The following SLC25A44 variants were observed in gnomAD, a reference collection of about 807,000 sequenced individuals.
The protein encoded by SLC25A44 is solute carrier family 25 member 44, also known as solute carrier family 25, member 44.
In SLC25A44, 17 loss-of-function variants were observed where a neutral mutation model predicts 29.9. That is an observed-to-expected ratio of 0.57 (90% CI 0.39 to 0.85). The LOEUF is 0.85. Ranked by LOEUF, SLC25A44 falls within the 40% of genes least tolerant of loss-of-function variation. The pLI is 0.00. For synonymous variants in SLC25A44, 140 were observed against 151.8 expected, an observed-to-expected ratio of 0.92 and a Z score of 0.57; for missense variants, 302 against 398.4, an observed-to-expected ratio of 0.76 and a Z score of 2.06.
intron 2 of SLC25A44, among the ~76,000 whole-genome samples, chr1:156,201,274 C>T (rs779213276): frequency 1.3e-5 from 2 of 152,136 alleles, no homozygotes; most frequent in African/African-American, 2.4e-5. Flanking sequence ...TTTTTGAGGG[C>T]TTCCATAAAC....
chr1:156,207,091 A>C (rs1656985527), intron 2 of SLC25A44, among the ~76,000 whole-genome samples: 1 of 152,006 alleles, frequency 6.6e-6, no homozygotes, highest in Non-Finnish European at 1.5e-5. Flanking sequence ...TAATTCCAAC[A>C]CTTTGGGAGG....
chr1:156,200,470 C>T lies in SLC25A44; in HGVS notation c.623C>T (p.Ala208Val), dbSNP rs1656494091. The T allele has an allele frequency of 3.7e-6, 6 of 1,600,604 alleles. No homozygotes were observed. Among genetic ancestry groups the T allele is most frequent in the Non-Finnish European group, 4.3e-6 (5 of 1,172,768 alleles). Reference sequence around the variant, plus strand: ...TGGTGGCCCTTCTATCACTTCTATGCAGGTAAGCAGGGGCCAGGACAGTGG... The same window carrying T: ...TGGTGGCCCTTCTATCACTTCTATGTAGGTAAGCAGGGGCCAGGACAGTGG... ...AVWWPFYHFY[A>V]EQLSYLCPKE... The change falls in exon 2 of 4, where the codon GCA becomes GTA. Residue 208 changes from alanine (A) to valine (V), a missense_variant and splice_region_variant. Ala to Val is a moderately conservative substitution (Grantham distance 64, BLOSUM62 0). Transcript: ENST00000359511.
Position 156,201,588 on chromosome 1 carries a change from TTTC to T in SLC25A44, c.625+1128_625+1130del, listed in dbSNP as rs200393938. 4.1e-3 allele frequency among the ~76,000 whole-genome samples: 623 copies of T among 152,292 alleles called. 2 individuals carry two copies. The highest frequency in any genetic ancestry group is 0.013 in the African/African-American group (556 of 41,562). On this transcript the variant is annotated intron_variant, in intron 2 of 3. Transcript: ENST00000359511. ...CTTTTGTTTTTCTGATTATTGCTTC[TTTC>T]TTCTTCTTCTTTCTGCTTTCTTCTT...
chr1:156,200,932 T>G (rs1385218390), intron 2 of SLC25A44, among the ~76,000 whole-genome samples: 1 of 145,434 alleles, frequency 6.9e-6, no homozygotes, highest in Non-Finnish European at 1.5e-5. Flanking sequence ...ACCTCCCGGG[T>G]TCAAGCGATT....
At chr1:156,199,411 G>A (rs1306337358) in intron 1 of SLC25A44, 1 of 181,028 alleles carries the variant, frequency 5.5e-6, no homozygotes, top group East Asian at 1.6e-4. Context: ...CAGGTAGTTG[G>A]TTTGTCCATA....
Position 156,210,121 on chromosome 1 carries a change from G to A in SLC25A44, c.754-119G>A, listed in dbSNP as rs768798389. ...TGTGCTGTACCATCCCTCACAAGCA[G>A]AATCCACACCTTCCGACGTCGGAGT... is the stretch of plus-strand genomic sequence containing the variant. On this transcript the variant is annotated intron_variant, in intron 3 of 3. Coordinates refer to ENST00000359511, the MANE Select transcript of SLC25A44 (RefSeq NM_014655.4). The A allele has an allele frequency of 2.1e-5, 14 of 682,050 alleles. 1 individual carries two copies. The highest frequency in any genetic ancestry group is 2.5e-6 in the Non-Finnish European group (1 of 401,050). The allele number at this position is 682,050 out of a possible 1,614,324, so 42.2% of individuals were successfully genotyped here. A position where few individuals can be genotyped will look rare whatever the true frequency, so the allele number is the denominator to read the frequency against.
chr1:156,210,120 A>G, intron 3 of SLC25A44, 120 bp from the exon 4 acceptor site: 1 of 670,654 alleles, frequency 1.5e-6, no homozygotes, highest in Non-Finnish European at 2.6e-6. Context: ...CCTCACAAGC[A>G]GAATCCACAC....
intron 3 of SLC25A44, among the ~76,000 whole-genome samples, chr1:156,208,234 C>T (rs573901115): frequency 1.8e-4 from 27 of 152,230 alleles, no homozygotes; most frequent in African/African-American, 6.3e-4. Context: ...TTTGGGAGGC[C>T]GAAGCGGGCA....
Position 156,207,873 on chromosome 1 carries a change from C to T in SLC25A44, c.626-13C>T. On this transcript the variant is annotated splice_polypyrimidine_tract_variant and intron_variant, in intron 2 of 3. Transcript: ENST00000359511. ...CTTTGTGTCTTTAGCCATTGTCTTT[C>T]CCTGGATTCCAGAGCAGCTCTCCTA... 6.2e-7 allele frequency: 1 copy of T among 1,613,752 alleles called. No individual in the cohort carries two copies. The highest frequency in any genetic ancestry group is 8.5e-7 in the Non-Finnish European group (1 of 1,179,822).
Position 156,198,099 on chromosome 1 carries a change from C to T in SLC25A44, c.-13-1736C>T, listed in dbSNP as rs1422475687. The T allele has an allele frequency of 6.6e-6, 1 of 152,060 alleles. No homozygotes were observed. Among genetic ancestry groups the T allele is most frequent in the Non-Finnish European group, 1.5e-5 (1 of 68,028 alleles). 9.4% of individuals were successfully genotyped at this position (152,060 alleles called of 1,614,324 possible). On this transcript the variant is annotated intron_variant, in intron 1 of 3. Coordinates refer to ENST00000359511, the MANE Select transcript of SLC25A44 (RefSeq NM_014655.4). This position sits in a 1 kb window ranked among gnomAD's most constrained non-coding sequence, Gnocchi z 4.1. Reference sequence around the variant, plus strand: ...AACTGCTAGTGTAGAATGTTTCAGCCCCCTAGAGTTGTCCCTGTGATGTGG... The same window carrying T: ...AACTGCTAGTGTAGAATGTTTCAGCTCCCTAGAGTTGTCCCTGTGATGTGG...
intron 2 of SLC25A44, among the ~76,000 whole-genome samples, chr1:156,205,723 A>G (rs1289437631): frequency 6.6e-6 from 1 of 152,214 alleles, no homozygotes; most frequent in Non-Finnish European, 1.5e-5. Flanking sequence ...TTTTATCTAT[A>G]GCACATACCT....
chr1:156,210,455 CTGTTTTCCACACTACCG>C lies in SLC25A44; in HGVS notation c.*27_*43del. The C allele has an allele frequency of 6.6e-7, 1 of 1,521,438 alleles. No individual in the cohort carries two copies. The highest frequency in any genetic ancestry group is 1.3e-5 in the South Asian group (1 of 78,860). 94.2% of individuals were successfully genotyped at this position (1,521,438 alleles called of 1,614,324 possible). ...AACCAGTGGTGGGGAGAGAAGCCTGCTGTTTTCCACACTACCGTGGGTCAGGGGCAGAGTGGAGAGGA... is the reference window on the plus strand; with the variant it reads ...AACCAGTGGTGGGGAGAGAAGCCTGCTGGGTCAGGGGCAGAGTGGAGAGGA... On this transcript the variant is annotated 3_prime_UTR_variant, in exon 4 of 4. Transcript: ENST00000359511.
intron 2 of SLC25A44, among the ~76,000 whole-genome samples, chr1:156,205,697 C>T (rs975082387): frequency 6.6e-6 from 1 of 152,214 alleles, no homozygotes; most frequent in Non-Finnish European, 1.5e-5. Context: ...CTCCCTATCT[C>T]CCTTTCCTGC....
chr1:156,209,666 G>A (rs1370721659), intron 3 of SLC25A44, among the ~76,000 whole-genome samples: 2 of 152,090 alleles, frequency 1.3e-5, no homozygotes, highest in East Asian at 1.9e-4. Context: ...TTCATGGGGT[G>A]TGTGAGAGAT....
intron 2 of SLC25A44, among the ~76,000 whole-genome samples, chr1:156,202,491 A>G (rs1656645440): frequency 6.6e-6 from 1 of 151,940 alleles, no homozygotes; most frequent in African/African-American, 2.4e-5. Flanking sequence ...TTCCTCAACC[A>G]TACATCACCT....
chr1:156,207,829 T>C (rs2103051372), intron 2 of SLC25A44, 57 bp from the exon 3 acceptor site: 4 of 1,598,350 alleles, frequency 2.5e-6, no homozygotes, highest in Non-Finnish European at 3.4e-6. Flanking sequence ...GCAAGCACAG[T>C]GAGGGCAGAC....
At position 156,210,415 on chromosome 1, in the gene SLC25A44, A is replaced by T. The variant is rs1268354214; in HGVS notation, c.929A>T (p.Asp310Val). 6.3e-7 allele frequency: 1 copy of T among 1,581,130 alleles called. No individual in the cohort carries two copies. Among genetic ancestry groups the T allele is most frequent in the Non-Finnish European group, 8.6e-7 (1 of 1,164,634 alleles). Reference sequence around the variant, plus strand: ...CTCAGCCTCCGACCTGAGCTGGTGGACTCGAGACACTGGTAACCAGTGGTG... The same window carrying T: ...CTCAGCCTCCGACCTGAGCTGGTGGTCTCGAGACACTGGTAACCAGTGGTG... ...KKLSLRPELV[D>V]SRHW The change falls in exon 4 of 4, where the codon GAC becomes GTC. Residue 310 changes from aspartate to valine, a missense_variant. Coordinates refer to ENST00000359511, the MANE Select transcript of SLC25A44 (RefSeq NM_014655.4).
chr1:156,202,071 G>A (rs1376896134), intron 2 of SLC25A44, among the ~76,000 whole-genome samples: 1 of 152,220 alleles, frequency 6.6e-6, no homozygotes, highest in Non-Finnish European at 1.5e-5. Flanking sequence ...TCATTGGTCA[G>A]TGGCCTTGTT....
intron 2 of SLC25A44, among the ~76,000 whole-genome samples, chr1:156,205,224 G>T (rs1656857331): frequency 6.6e-6 from 1 of 152,070 alleles, no homozygotes; most frequent in South Asian, 2.1e-4. Flanking sequence ...TGTATTTTTA[G>T]TAGAGACGGG....
Sources: gnomAD v4.1 joint callset for allele counts (sites outside exome capture counted in the v4.1 genomes callset) on GRCh38, gnomAD v4.1.1 for gene constraint, Gnocchi (gnomAD v3.1) non-coding constraint, MANE v1.5 for transcripts, NCBI Gene and HGNC (gene_info 2026-07-23, HGNC 2026-07-21) for gene names.